Variants in CLOCK observed in about 807,000 individuals in gnomAD.
The protein encoded by CLOCK is clock circadian regulator, also known as circadian locomoter output cycles protein kaput.
CLOCK carries 43 observed loss-of-function variants against 118.4 expected under a neutral mutation model. The observed-to-expected ratio is 0.36, with a 90% CI of 0.28 to 0.47. CLOCK has a LOEUF of 0.47. Among genes scored for constraint, CLOCK ranks in the 20% least tolerant of loss-of-function variants. The probability of loss-of-function intolerance (pLI) is 1.00; values close to 1 mark genes in which losing one functional copy is unlikely to be tolerated. For missense variants in CLOCK, 846 were observed against 999.9 expected, an observed-to-expected ratio of 0.85 and a Z score of 2.08; for synonymous variants, 326 against 339.2, an observed-to-expected ratio of 0.96 and a Z score of 0.43.
intron 21 of CLOCK, among the ~76,000 whole-genome samples, chr4:55,440,719 G>A (rs1723300490): frequency 6.6e-6 from 1 of 152,122 alleles, no homozygotes; most frequent in African/African-American, 2.4e-5. Flanking sequence ...ACCTGAATTA[G>A]CCCATGGCTC....
intron 6 of CLOCK, among the ~76,000 whole-genome samples, chr4:55,477,270 A>G (rs1697839933): frequency 6.6e-6 from 1 of 152,102 alleles, no homozygotes; most frequent in African/African-American, 2.4e-5. Context: ...AAATATATGC[A>G]TTTCATTTCA....
chr4:55,518,312 G>C (rs1350654741), intron 1 of CLOCK, among the ~76,000 whole-genome samples: 21 of 152,176 alleles, frequency 1.4e-4, no homozygotes, highest in Admixed American at 1.4e-3. Context: ...ATGCAGAGGA[G>C]AGAGGACGGG....
chr4:55,493,374 C>T (rs113185250), intron 2 of CLOCK, among the ~76,000 whole-genome samples: 2,332 of 152,228 alleles, frequency 0.015, 20 homozygotes, highest in Middle Eastern at 0.054. Flanking sequence ...AATTCTGATA[C>T]CACAGGTATT....
intron 2 of CLOCK, among the ~76,000 whole-genome samples, chr4:55,496,416 T>C (rs1042765866): frequency 2.6e-5 from 4 of 152,160 alleles, no homozygotes; most frequent in Non-Finnish European, 1.5e-5. Flanking sequence ...ATGTTGTTAA[T>C]TACCTTCTAT....
chr4:55,487,907 C>T (rs1727402273), intron 3 of CLOCK, among the ~76,000 whole-genome samples: 1 of 152,122 alleles, frequency 6.6e-6, no homozygotes, highest in South Asian at 2.1e-4. Context: ...TCTCTCTGTC[C>T]TGTTATGTCT....
rs1007251211 is a variant in CLOCK at position 55,448,974 on chromosome 4, C to A, written c.1450-106G>T. 7 of 919,890 alleles carry A rather than the reference C, an allele frequency of 7.6e-6. No individual in the cohort carries two copies. In the African/African-American group the frequency reaches 1.2e-4, roughly 15 times the overall value. 57.0% of individuals were successfully genotyped at this position (919,890 alleles called of 1,614,324 possible). ...TTCGTATTAATAAACTTACCATTTG[C>A]CTCATACTTTTGTTAGCTGAATACA... is the stretch of plus-strand genomic sequence containing the variant. On this transcript the variant is annotated intron_variant, in intron 17 of 22. Transcript: ENST00000513440.
At position 55,453,837 on chromosome 4, in the gene CLOCK, T is replaced by C. The variant is rs373539733; in HGVS notation, c.983-13A>G. 42 of 1,569,972 alleles carry C rather than the reference T, an allele frequency of 2.7e-5. No individual in the cohort carries two copies. In the African/African-American group the frequency reaches 3.7e-4, roughly 14 times the overall value. The stretch of plus-strand genomic sequence containing the variant: ...CCATATTGCATTACTAAAAGGAAAA[T>C]AGAGAAATATTTTTTCTTTAATTCA... On this transcript the variant is annotated splice_polypyrimidine_tract_variant and intron_variant, in intron 13 of 22. Transcript: ENST00000513440.
At chr4:55,487,642 T>C (rs1457835234) in intron 3 of CLOCK, among the ~76,000 whole-genome samples, 1 of 152,262 alleles carries the variant, frequency 6.6e-6, no homozygotes, top group South Asian at 2.1e-4. Context: ...GCTGCCTTGG[T>C]TCCAAAGTTA....
chr4:55,459,112 G>A (rs367645354), intron 10 of CLOCK, 36 bp downstream of exon 10: 2 of 1,485,260 alleles, frequency 1.3e-6, no homozygotes, highest in East Asian at 2.3e-5. Context: ...AAAATAACAA[G>A]TTAAAACACA....
intron 1 of CLOCK, among the ~76,000 whole-genome samples, chr4:55,542,803 C>CGAGG (rs1457433532): frequency 6.6e-6 from 1 of 151,904 alleles, no homozygotes; most frequent in Non-Finnish European, 1.5e-5. Context: ...GTGTAATCTA[C>CGAGG]GAGGCTTTCG....
intron 8 of CLOCK, among the ~76,000 whole-genome samples, chr4:55,467,630 T>C (rs1019861889): frequency 4.6e-5 from 7 of 152,178 alleles, no homozygotes; most frequent in African/African-American, 1.4e-4. Flanking sequence ...AAGCATACAA[T>C]TATACTTATT....
At chr4:55,463,871 C>T (rs933485077) in intron 8 of CLOCK, 66 bp from the exon 9 acceptor site, 3 of 1,475,216 alleles carry the variant, frequency 2.0e-6, no homozygotes, top group Non-Finnish European at 2.8e-6. Flanking sequence ...TTTAAAAGTA[C>T]ATAATCGCTA....
At chr4:55,508,363 C>T (rs1728938504) in intron 2 of CLOCK, among the ~76,000 whole-genome samples, 1 of 152,096 alleles carries the variant, frequency 6.6e-6, no homozygotes, top group African/African-American at 2.4e-5. Context: ...TCCATTTCCC[C>T]TGATTTACTA....
chr4:55,461,849 C>A (rs1725365803), intron 9 of CLOCK, among the ~76,000 whole-genome samples: 1 of 152,200 alleles, frequency 6.6e-6, no homozygotes, highest in Non-Finnish European at 1.5e-5. Context: ...AAATCTCCTT[C>A]ACTGGCTCTC....
chr4:55,449,476 T>C lies in CLOCK; in HGVS notation c.1369A>G (p.Thr457Ala), dbSNP rs1724232417. 1 of 1,613,910 alleles carries C rather than the reference T, an allele frequency of 6.2e-7. No individual in the cohort carries two copies. The change falls in exon 17 of 23, where the codon ACG (threonine) becomes GCG (alanine). Residue 457 changes from threonine (T) to alanine (A), a missense_variant. This residue lies in a region of CLOCK where 520 missense variants were observed against 558.0 expected (regional missense o/e 0.93). Transcript: ENST00000513440. ...TGCCTGGGTGGAGTGCTCGTATCCG[T>C]CGGGATCTTGGTTGGTGTTGCTGAA... Reference protein sequence around the residue: ...DPSSTPTKIPTDTSTPPRQHL... With the variant: ...DPSSTPTKIPADTSTPPRQHL...
intron 22 of CLOCK, among the ~76,000 whole-genome samples, chr4:55,437,341 T>C (rs1368418492): frequency 6.6e-6 from 1 of 152,162 alleles, no homozygotes; most frequent in Non-Finnish European, 1.5e-5. Context: ...CTAGTACACA[T>C]ACAGACTAGC....
chr4:55,490,713 C>T (rs1465438221), intron 2 of CLOCK, among the ~76,000 whole-genome samples: 1 of 152,126 alleles, frequency 6.6e-6, no homozygotes, highest in Non-Finnish European at 1.5e-5. Context: ...AGGTGTTATA[C>T]TATATTGGTT....
rs1461926368 is a variant in CLOCK at position 55,435,704 on chromosome 4, A to G, written c.2362-110T>C. 5 of 1,072,806 alleles carry G rather than the reference A, an allele frequency of 4.7e-6. No homozygotes were observed. The Admixed American group carries it at 5.6e-5, about 12-fold the overall frequency. The allele number at this position is 1,072,806 out of a possible 1,614,324, so 66.5% of individuals were successfully genotyped here. ...AGGGACAAAATCCTTAAAATTCTACATAATGCATATCACTTTCACTCTCTG... is the reference window on the plus strand; with the variant it reads ...AGGGACAAAATCCTTAAAATTCTACGTAATGCATATCACTTTCACTCTCTG... On this transcript the variant is annotated intron_variant, in intron 22 of 22. Transcript: ENST00000513440.
chr4:55,526,886 G>C (rs1157604635), intron 1 of CLOCK, among the ~76,000 whole-genome samples: 5 of 144,532 alleles, frequency 3.5e-5, no homozygotes, highest in Non-Finnish European at 6.0e-5. Context: ...GGCGGAGCTT[G>C]CAGTGAGCCG....
Sources: allele counts gnomAD v4.1 joint callset (sites outside exome capture counted in the v4.1 genomes callset), GRCh38; gene constraint gnomAD v4.1.1; regional missense constraint gnomAD v4.1.1; transcripts MANE v1.5; gene names NCBI Gene and HGNC (gene_info 2026-07-23, HGNC 2026-07-21).